Variants in PAM16 observed in about 807,000 individuals in gnomAD.
The protein encoded by PAM16 is mitochondrial import inner membrane translocase subunit TIM16.
Under a neutral mutation model 17.9 loss-of-function variants are expected in PAM16, and 11 were observed. That is an observed-to-expected ratio of 0.62 (90% CI 0.39 to 1.02). PAM16 has a LOEUF of 1.02. PAM16 is among the 50% of genes least tolerant of loss of function. The pLI is 0.01. For missense variants in PAM16, 199 were observed against 165.4 expected (o/e 1.20, Z -1.11); for synonymous variants, 72 against 67.4 (o/e 1.07, Z -0.34).
intron 1 of PAM16, among the ~76,000 whole-genome samples, chr16:4,349,321 A>G (rs950582698): frequency 6.6e-6 from 1 of 152,162 alleles, no homozygotes; most frequent in Non-Finnish European, 1.5e-5. Context: ...TAATCCCAGC[A>G]CTTTGGGAGT....
intron 4 of PAM16, among the ~76,000 whole-genome samples, 158 bp downstream of exon 4, chr16:4,340,761 CA>C (rs1170718246): frequency 6.6e-6 from 1 of 152,168 alleles, no homozygotes; most frequent in Non-Finnish European, 1.5e-5. Context: ...GGTGGCAGTT[CA>C]GGGGGCCTCC....
At chr16:4,347,109 C>T (rs1389867459) in intron 1 of PAM16, 1 of 152,232 alleles carries the variant, frequency 6.6e-6, no homozygotes, top group African/African-American at 2.4e-5. Context: ...CTCCCAGCCT[C>T]AAGAGATTCT....
intron 1 of PAM16, chr16:4,343,642 C>T: frequency 8.6e-7 from 1 of 1,160,872 alleles, no homozygotes; most frequent in Non-Finnish European, 1.1e-6. Flanking sequence ...CAGGGACAGC[C>T]CTGGACCTGG....
intron 1 of PAM16, chr16:4,343,587 A>T (rs895160857): frequency 5.8e-6 from 8 of 1,381,752 alleles, no homozygotes; most frequent in Non-Finnish European, 7.4e-6. Flanking sequence ...AGTGGCTGCA[A>T]CCACCGGCTT....
chr16:4,341,007 TGA>T, intron 3 of PAM16, 22 bp from the exon 4 acceptor site: 1 of 1,612,482 alleles, frequency 6.2e-7, no homozygotes, highest in Non-Finnish European at 8.5e-7. Flanking sequence ...AGGGGACGGG[TGA>T]GAGGGCTGCA....
intron 2 of PAM16, among the ~76,000 whole-genome samples, chr16:4,342,079 AG>A (rs1311959018): frequency 6.6e-6 from 1 of 152,228 alleles, no homozygotes; most frequent in Non-Finnish European, 1.5e-5. Flanking sequence ...GGCCGGGCAC[AG>A]TGGCTCACGC....
intron 3 of PAM16, 149 bp from the exon 4 acceptor site, chr16:4,341,134 T>TG (rs1180464141): frequency 8.4e-7 from 1 of 1,197,170 alleles, no homozygotes; most frequent in Non-Finnish European, 1.2e-6. Context: ...GAGGCAGAGA[T>TG]GGGGACGGGT....
intron 1 of PAM16, among the ~76,000 whole-genome samples, chr16:4,344,966 G>A (rs2053730594): frequency 6.6e-6 from 1 of 152,102 alleles, no homozygotes; most frequent in African/African-American, 2.4e-5. Flanking sequence ...ACTGGCAGGA[G>A]AGAAGGCAGA....
chr16:4,348,414 C>T (rs1355375807), intron 1 of PAM16: 1 of 152,672 alleles, frequency 6.5e-6, no homozygotes, highest in Non-Finnish European at 1.5e-5. Flanking sequence ...TTCACAGCGC[C>T]TGGTCTGGCC....
rs200465121 is a variant in PAM16, at chr16:4,351,218, G to A, written c.3+14C>T. The A allele has an allele frequency of 4.4e-4, 625 of 1,417,950 alleles. 8 individuals carry two copies. In the East Asian group the frequency reaches 0.015, roughly 35 times the overall value. The allele number at this position is 1,417,950 out of a possible 1,614,324, so 87.8% of individuals were successfully genotyped here. A position where few individuals can be genotyped will look rare whatever the true frequency, so the allele number is the denominator to read the frequency against. On this transcript the variant is annotated intron_variant, in intron 1 of 4. Coordinates refer to ENST00000318059, the MANE Select transcript of PAM16 (RefSeq NM_016069.11). ...CGGCTTCCCCTCCCCGGTAGCGCCC[G>A]ACTCGGGGCTCACCATGGCAGCCGC...
At chr16:4,350,903 C>G (rs1385028710) in intron 1 of PAM16, 1 of 253,658 alleles carries the variant, frequency 3.9e-6, no homozygotes, top group Middle Eastern at 1.2e-3. Flanking sequence ...CTCTGCAGCG[C>G]TGTAAGGTTC....
chr16:4,350,820 C>G (rs984414970), intron 1 of PAM16: 1 of 171,324 alleles, frequency 5.8e-6, no homozygotes, highest in Non-Finnish European at 1.2e-5. Flanking sequence ...GGGCCTAGTT[C>G]AAGTCCCAGG....
chr16:4,341,098 C>A, intron 3 of PAM16, 113 bp from the exon 4 acceptor site: 1 of 1,381,570 alleles, frequency 7.2e-7, no homozygotes, highest in Non-Finnish European at 1.0e-6. Context: ...ACCCTGTGTG[C>A]CACACCCAGC....
intron 1 of PAM16, chr16:4,347,688 T>C (rs1044163261): frequency 6.6e-6 from 1 of 152,266 alleles, no homozygotes; most frequent in Non-Finnish European, 1.5e-5. Context: ...GTGGCTACCA[T>C]GGGTGACCAA....
Position 4,340,271 on chromosome 16 carries a change from C to A in PAM16, c.*48G>T. The stretch of plus-strand genomic sequence containing the variant: ...AGAAATGCAGAAAAGAAATTTATTA[C>A]CAAGCTATAAATTAGAGGCGGCGGG... On this transcript the variant is annotated 3_prime_UTR_variant, in exon 5 of 5. Transcript: ENST00000318059. The A allele has an allele frequency of 6.4e-7, 1 of 1,571,128 alleles. No homozygotes were observed. Among genetic ancestry groups the A allele is most frequent in the Non-Finnish European group, 8.7e-7 (1 of 1,151,246 alleles).
chr16:4,348,467 C>T (rs191066200), intron 1 of PAM16: 1 of 152,820 alleles, frequency 6.5e-6, no homozygotes, highest in East Asian at 1.9e-4. Flanking sequence ...CAGCCACACC[C>T]TCTGCTCCTA....
rs1484864403 is a variant in PAM16, at chr16:4,341,448, A to T, written c.145T>A (p.Ser49Thr). 6.2e-7 allele frequency: 1 copy of T among 1,609,196 alleles called. No homozygotes were observed. Among genetic ancestry groups the T allele is most frequent in the South Asian group, 1.1e-5 (1 of 90,146 alleles). Residue 49 changes from serine (S) to threonine (T), a missense_variant, in exon 3 of 5, where the codon TCC (serine) becomes ACC (threonine). Physicochemically the swap from Ser to Thr is moderately conservative, Grantham distance 58. Transcript: ENST00000318059. Reference sequence around the variant, plus strand: ...TGGAGGCTGAGGCCGGAGAGGTTGGAAGCGGCTGCAGACCGGTGTCCAGCG... The same window carrying T: ...TGGAGGCTGAGGCCGGAGAGGTTGGTAGCGGCTGCAGACCGGTGTCCAGCG... ...GRAGHRSAAA[S>T]NLSGLSLQEA...
At position 4,351,320 on chromosome 16, in the gene PAM16, A is replaced by C; in HGVS notation, c.-86T>G. 9.0e-7 allele frequency: 1 copy of C among 1,111,224 alleles called. No homozygotes were observed. Among genetic ancestry groups the C allele is most frequent in the Non-Finnish European group, 1.2e-6 (1 of 820,488 alleles). The allele number at this position is 1,111,224 out of a possible 1,614,324, so 68.8% of individuals were successfully genotyped here. On this transcript the variant is annotated 5_prime_UTR_variant, in exon 1 of 5. Transcript: ENST00000318059. ...AGCGTGGTCGGCGGGTCAGAGGTCA[A>C]GGAAAGCCGCAGAGAGCGCGTGCGC...
chr16:4,341,140 C>T (rs570455111), intron 3 of PAM16, among the ~76,000 whole-genome samples, 155 bp from the exon 4 acceptor site: 11 of 152,316 alleles, frequency 7.2e-5, no homozygotes, highest in East Asian at 5.8e-4. Flanking sequence ...GAGATGGGGA[C>T]GGGTACCCTG....
Sources: allele counts gnomAD v4.1 joint callset (sites outside exome capture counted in the v4.1 genomes callset), GRCh38; gene constraint gnomAD v4.1.1; transcripts MANE v1.5; gene names NCBI Gene and HGNC (gene_info 2026-07-23, HGNC 2026-07-21).